SKIC3: variants seen among roughly 807,000 people sequenced by gnomAD.
SKIC3 encodes SKI3 subunit of superkiller complex.
the SKIC3 span, chr5:95,543,054 T>C: frequency 8.5e-7 from 1 of 1,171,354 alleles, no homozygotes; most frequent in South Asian, 1.5e-5. Context: ...AGAAAACCAA[T>C]AAATTTAAAT....
chr5:95,522,424 T>C, the SKIC3 span: 9 of 1,257,112 alleles, frequency 7.2e-6, no homozygotes, highest in South Asian at 2.9e-5. Flanking sequence ...CTTCTACTTA[T>C]AAAAGTGCTA....
chr5:95,516,771 A>G, the SKIC3 span: 1 of 1,609,474 alleles, frequency 6.2e-7, no homozygotes, highest in South Asian at 1.1e-5. Flanking sequence ...GTTAAATTAG[A>G]TTAATTTTTA....
chr5:95,523,445 G>C, the SKIC3 span: 1 of 1,216,726 alleles, frequency 8.2e-7, no homozygotes, highest in Non-Finnish European at 1.1e-6. Context: ...ACTTACACTG[G>C]TATACATCAA....
At chr5:95,541,327 T>C in the SKIC3 span, 2 of 1,613,816 alleles carry the variant, frequency 1.2e-6, no homozygotes, top group Non-Finnish European at 1.7e-6. Context: ...CTTTTCTTGG[T>C]AATATAGATC....
the SKIC3 span, among the ~76,000 whole-genome samples, chr5:95,491,527 C>T: frequency 1.3e-5 from 2 of 152,192 alleles, no homozygotes; most frequent in Non-Finnish European, 2.9e-5. Context: ...GTCACTTCAT[C>T]ATTCCAAGTG....
At chr5:95,491,143 T>TA in the SKIC3 span, 354 of 1,453,600 alleles carry the variant, frequency 2.4e-4, no homozygotes, top group African/African-American at 7.0e-4. Context: ...AAATTGTATC[T>TA]AAAAAAAAAT....
the SKIC3 span, chr5:95,547,077 G>A: frequency 3.0e-5 from 48 of 1,612,970 alleles, no homozygotes; most frequent in Admixed American, 8.3e-5. Flanking sequence ...GTGTTTCAAA[G>A]CTTCTTTGTA....
chr5:95,498,311 T>C, the SKIC3 span: 1 of 1,530,492 alleles, frequency 6.5e-7, no homozygotes. Context: ...AAAGTCCCAA[T>C]GTCAAATGCA....
the SKIC3 span, among the ~76,000 whole-genome samples, chr5:95,499,236 G>A: frequency 6.6e-6 from 1 of 152,122 alleles, no homozygotes; most frequent in Non-Finnish European, 1.5e-5. Context: ...GGAGGTGATT[G>A]GATCATGAGG....
At chr5:95,504,286 A>G in the SKIC3 span, among the ~76,000 whole-genome samples, 1 of 149,878 alleles carries the variant, frequency 6.7e-6, no homozygotes, top group African/African-American at 2.5e-5. Flanking sequence ...TAGTGAGCCG[A>G]GATTGCACCA....
At chr5:95,496,053 T>C in the SKIC3 span, among the ~76,000 whole-genome samples, 26,691 of 151,538 alleles carry the variant, frequency 0.18, 2,681 homozygotes, top group East Asian at 0.34. Flanking sequence ...AGTCTTGCCC[T>C]GTCACCCAGG....
chr5:95,464,407 AT>A, the SKIC3 span: 94,390 of 432,946 alleles, frequency 0.22, 8,248 homozygotes, highest in African/African-American at 0.44. Context: ...CCCAAATTAA[AT>A]TTTTTTTTTT....
chr5:95,535,705 A>G, the SKIC3 span, among the ~76,000 whole-genome samples: 1 of 152,124 alleles, frequency 6.6e-6, no homozygotes, highest in Non-Finnish European at 1.5e-5. Flanking sequence ...AGATAGGTGC[A>G]ATGGTCATTT....
At chr5:95,547,200 C>T in the SKIC3 span, 33 of 1,545,610 alleles carry the variant, frequency 2.1e-5, no homozygotes, top group Middle Eastern at 1.7e-4. Flanking sequence ...CCTACCCAAT[C>T]GTAAATGTTC....
chr5:95,503,704 T>C, the SKIC3 span: 6 of 1,512,954 alleles, frequency 4.0e-6, no homozygotes, highest in Non-Finnish European at 4.5e-6. Context: ...CAGATTTTAA[T>C]AAACATTGCA....
chr5:95,511,744 G>A, the SKIC3 span, among the ~76,000 whole-genome samples: 1 of 152,060 alleles, frequency 6.6e-6, no homozygotes, highest in Non-Finnish European at 1.5e-5. Flanking sequence ...TCTAGGATAT[G>A]CCAGGCACCC....
the SKIC3 span, among the ~76,000 whole-genome samples, chr5:95,465,468 A>G: frequency 1.1e-4 from 16 of 152,226 alleles, no homozygotes; most frequent in South Asian, 2.1e-4. Context: ...ATTTCAGCTG[A>G]TCCTTCATAC....
the SKIC3 span, among the ~76,000 whole-genome samples, chr5:95,469,163 T>C: frequency 4.0e-4 from 61 of 152,322 alleles, no homozygotes; most frequent in African/African-American, 1.4e-3. Context: ...ATATTAGAAC[T>C]AGATATTTTC....
the SKIC3 span, among the ~76,000 whole-genome samples, chr5:95,510,723 C>G: frequency 6.6e-6 from 1 of 152,164 alleles, no homozygotes; most frequent in Non-Finnish European, 1.5e-5. Flanking sequence ...TGCTGATCCC[C>G]AAATGCTTGT....
Sources: allele counts gnomAD v4.1 joint callset (sites outside exome capture counted in the v4.1 genomes callset), GRCh38; gene constraint gnomAD v4.1.1; transcripts MANE v1.5; gene names NCBI Gene and HGNC (gene_info 2026-07-23, HGNC 2026-07-21).